Variants in MAP3K15 observed in about 807,000 individuals in gnomAD.
The protein encoded by MAP3K15 is MAPK/ERK kinase kinase 15.
Under a neutral mutation model 99.5 loss-of-function variants are expected in MAP3K15, and 124 were observed. The ratio of observed to expected loss-of-function variants is 1.25; its 90% CI spans 1.08 to 1.45. MAP3K15 has a LOEUF of 1.45. Among genes scored for constraint, MAP3K15 ranks in the 40% most tolerant of loss-of-function variants. The probability of loss-of-function intolerance (pLI) is 0.00; values close to 1 mark genes in which losing one functional copy is unlikely to be tolerated. For missense variants in MAP3K15, 1,242 were observed against 1,079.7 expected (o/e 1.15, Z -2.11); for synonymous variants, 494 against 439.6 (o/e 1.12, Z -1.55).
At chrX:19,410,817 C>T in intron 11 of MAP3K15, among the ~76,000 whole-genome samples, 1 of 111,807 alleles carries the variant, frequency 8.9e-6, no homozygotes, top group African/African-American at 3.2e-5. Flanking sequence ...ACATCTGAAA[C>T]TCCAGTTTTG....
rs1199302411 is a variant in MAP3K15 at position 19,392,489 on chromosome X, G to A, written c.2195-16C>T. ...GAAAGGCTTCCTAGAGACAGTCACA[G>A]CAAAAAACTTATCAGGAAGAGAAAG... is the stretch of plus-strand genomic sequence containing the variant. On this transcript the variant is annotated splice_polypyrimidine_tract_variant and intron_variant, in intron 16 of 28. Coordinates refer to ENST00000338883, the MANE Select transcript of MAP3K15 (RefSeq NM_001001671.4). The A allele has an allele frequency of 8.4e-7, 1 of 1,193,923 alleles. No individual in the cohort carries two copies. Among genetic ancestry groups the A allele is most frequent in the Non-Finnish European group, 1.1e-6 (1 of 888,472 alleles).
Position 19,515,348 on chromosome X carries a change from G to A in MAP3K15, c.-87C>T, listed in dbSNP as rs1053926011. On this transcript the variant is annotated 5_prime_UTR_variant, in exon 1 of 29. Transcript: ENST00000338883. The stretch of plus-strand genomic sequence containing the variant: ...ACAAGTTACAGCAGCCGCGCAGGCG[G>A]TCCCGGCACCTGCTCCTGAAGCGCG... The A allele has an allele frequency of 4.1e-5, 24 of 592,137 alleles. No individual in the cohort carries two copies. Among genetic ancestry groups the A allele is most frequent in the African/African-American group, 4.9e-5 (2 of 40,745 alleles). The allele number at this position is 592,137 out of a possible 1,213,427, so 48.8% of individuals were successfully genotyped here. A position where few individuals can be genotyped will look rare whatever the true frequency, so the allele number is the denominator to read the frequency against.
Position 19,514,935 on chromosome X carries a change from C to T in MAP3K15, c.327G>A (p.Gly109=). ...AGAAGGCGTCGAGCACGGCCGTCTC[C>T]CCGAAGTCCAGCTCCCCGAAGGGCA... ...TSVPFGELDF[G]ETAVLDAFYD... The change falls in exon 1 of 29, where the codon GGG becomes GGA. Residue 109 remains glycine (G), a synonymous_variant. Transcript: ENST00000338883. The T allele has an allele frequency of 8.7e-7, 1 of 1,149,350 alleles. No homozygotes were observed. The highest frequency in any genetic ancestry group is 1.2e-6 in the Non-Finnish European group (1 of 868,976). The allele number at this position is 1,149,350 out of a possible 1,213,427, so 94.7% of individuals were successfully genotyped here.
intron 3 of MAP3K15, among the ~76,000 whole-genome samples, chrX:19,468,510 C>G (rs1444135472): frequency 8.9e-6 from 1 of 111,946 alleles, no homozygotes; most frequent in Non-Finnish European, 1.9e-5. Context: ...GGGAAACAGA[C>G]AGTCAAAGAG....
chrX:19,418,471 G>A (rs189193238), intron 9 of MAP3K15, among the ~76,000 whole-genome samples: 5 of 110,957 alleles, frequency 4.5e-5, no homozygotes, highest in African/African-American at 9.8e-5. Context: ...ATGAAATGAA[G>A]TGAGAAGTTT....
chrX:19,458,623 T>C (rs1231579579), intron 5 of MAP3K15, among the ~76,000 whole-genome samples: 1 of 111,773 alleles, frequency 8.9e-6, no homozygotes, highest in African/African-American at 3.3e-5. Flanking sequence ...GAGGTTGCAG[T>C]GAGCTGAGAT....
chrX:19,417,649 CT>C (rs2063747607), intron 9 of MAP3K15, among the ~76,000 whole-genome samples: 1 of 111,992 alleles, frequency 8.9e-6, no homozygotes, highest in Non-Finnish European at 1.9e-5. Context: ...CATCAGAATC[CT>C]CTGCAGACTT....
chrX:19,386,561 AG>A (rs1222600395), intron 18 of MAP3K15, among the ~76,000 whole-genome samples: 3 of 111,342 alleles, frequency 2.7e-5, no homozygotes, highest in Non-Finnish European at 5.7e-5. Flanking sequence ...CACTGGTCAC[AG>A]CCCACTACGG....
In MAP3K15 at chrX:19,372,565, G is replaced by A; in HGVS notation, c.3108+88C>T. 6 of 885,608 alleles carry A rather than the reference G, an allele frequency of 6.8e-6. No homozygotes were observed. In the South Asian group the frequency reaches 1.3e-4, roughly 19 times the overall value. 73.0% of individuals were successfully genotyped at this position (885,608 alleles called of 1,213,427 possible). ...ACTATGCAGATGTTCCAGGGCGGCAGGAACTGAGGTCCTGATTGGACCTGT... is the reference window on the plus strand; with the variant it reads ...ACTATGCAGATGTTCCAGGGCGGCAAGAACTGAGGTCCTGATTGGACCTGT... On this transcript the variant is annotated intron_variant, in intron 22 of 28. Transcript: ENST00000338883.
rs183761757 is a variant in MAP3K15 at position 19,449,258 on chromosome X, T to C, written c.995+7655A>G. On this transcript the variant is annotated intron_variant, in intron 6 of 28. Coordinates refer to ENST00000338883, the MANE Select transcript of MAP3K15 (RefSeq NM_001001671.4). ...TATCAAACTTTTATGAACTGCCTTC[T>C]AGCTGCCAGGGGCCGTGCAGTCATT... Among the ~76,000 whole-genome samples, 35 of 110,376 alleles carry C rather than the reference T, an allele frequency of 3.2e-4. 2 individuals carry two copies. The highest frequency in any genetic ancestry group is 4.8e-4 in the Non-Finnish European group (25 of 51,953).
intron 6 of MAP3K15, among the ~76,000 whole-genome samples, chrX:19,437,419 C>A (rs750829303): frequency 9.0e-6 from 1 of 111,575 alleles, no homozygotes; most frequent in Non-Finnish European, 1.9e-5. Context: ...TCATCTCTTA[C>A]CACTCCTGTG....
intron 9 of MAP3K15, among the ~76,000 whole-genome samples, chrX:19,416,317 C>T (rs368692583): frequency 3.7e-5 from 4 of 109,340 alleles, no homozygotes; most frequent in African/African-American, 1.3e-4. Context: ...GGCAACAGAG[C>T]GAGACTCTGT....
At chrX:19,436,781 G>A (rs780079465) in intron 6 of MAP3K15, among the ~76,000 whole-genome samples, 11 of 111,557 alleles carry the variant, frequency 9.9e-5, no homozygotes, top group South Asian at 3.8e-4. Context: ...AGGCTGAAGC[G>A]ACTCTCATGC....
At chrX:19,424,305 C>CACACATATATATACACATATATAT (rs1424846306) in intron 9 of MAP3K15, among the ~76,000 whole-genome samples, 1 of 96,697 alleles carries the variant, frequency 1.0e-5, no homozygotes, top group African/African-American at 4.8e-5. Context: ...CATATATATA[C>CACACATATATATACACATATATAT]ACACATATAT....
At chrX:19,385,384 C>A (rs997525573) in intron 18 of MAP3K15, among the ~76,000 whole-genome samples, 12 of 111,972 alleles carry the variant, frequency 1.1e-4, no homozygotes, top group Admixed American at 2.9e-4. Flanking sequence ...GAATGGCACA[C>A]TGCCTTTTAT....
In MAP3K15 at chrX:19,380,273, G is replaced by A; in HGVS notation, c.2436C>T (p.Thr812=). The A allele has an allele frequency of 8.3e-7, 1 of 1,208,316 alleles. No individual in the cohort carries two copies. The highest frequency in any genetic ancestry group is 1.1e-6 in the Non-Finnish European group (1 of 894,445). Residue 812 remains threonine, a synonymous_variant, in exon 19 of 29, where the codon ACC becomes ACT. Coordinates refer to ENST00000338883, the MANE Select transcript of MAP3K15 (RefSeq NM_001001671.4). ...TTATCTCAGGTGCCATGTACTGCAG[G>A]GTGCCTATTTGGAAAACAAACAAAC... ...VNPCTETFTG[T]LQYMAPEIID...
At chrX:19,439,428 T>G (rs180912936) in intron 6 of MAP3K15, among the ~76,000 whole-genome samples, 2 of 111,656 alleles carry the variant, frequency 1.8e-5, no homozygotes, top group African/African-American at 3.3e-5. Context: ...TGTGTTTATT[T>G]GGCCAAACTC....
In MAP3K15 at chrX:19,378,218, G is replaced by T. The variant is rs748184265; in HGVS notation, c.2589+1902C>A. On this transcript the variant is annotated intron_variant, in intron 19 of 28. Coordinates refer to ENST00000338883, the MANE Select transcript of MAP3K15 (RefSeq NM_001001671.4). Reference sequence around the variant, plus strand: ...TATCAGGGCCGTGTCCACACACTGCGGCCTCATCATCCATAAGCAATGGCC... The same window carrying T: ...TATCAGGGCCGTGTCCACACACTGCTGCCTCATCATCCATAAGCAATGGCC... 4.5e-5 allele frequency among the ~76,000 whole-genome samples: 5 copies of T among 112,330 alleles called. No homozygotes were observed. In the Admixed American group the frequency reaches 4.7e-4, roughly 11 times the overall value.
At chrX:19,424,800 C>T (rs931065606) in intron 9 of MAP3K15, among the ~76,000 whole-genome samples, 2 of 109,105 alleles carry the variant, frequency 1.8e-5, no homozygotes, top group African/African-American at 3.3e-5. Flanking sequence ...GCGTGCACCA[C>T]CATGCCTGGC....
Sources: allele counts gnomAD v4.1 joint callset (sites outside exome capture counted in the v4.1 genomes callset), GRCh38; gene constraint gnomAD v4.1.1; transcripts MANE v1.5; gene names NCBI Gene and HGNC (gene_info 2026-07-23, HGNC 2026-07-21).